Variants in SH3GL3 observed in about 807,000 individuals in gnomAD.
SH3GL3 encodes the protein endophilin-A3.
A neutral mutation model predicts 47.7 loss-of-function variants in SH3GL3; 33 were observed. That is an observed-to-expected ratio of 0.69 (90% confidence interval 0.52 to 0.92). SH3GL3 has a LOEUF of 0.92. Ranked by LOEUF, SH3GL3 falls within the 40% of genes least tolerant of loss-of-function variation. SH3GL3 has a pLI of 0.00. For missense variants in SH3GL3, 363 were observed against 417.8 expected (o/e 0.87, Z 1.14); for synonymous variants, 155 against 148.8 (o/e 1.04, Z -0.30).
At chr15:83,547,502 C>T (rs1038997397) in intron 1 of SH3GL3, among the ~76,000 whole-genome samples, 1 of 152,186 alleles carries the variant, frequency 6.6e-6, no homozygotes, top group Non-Finnish European at 1.5e-5. Flanking sequence ...TCTTCAGTGC[C>T]TCTTTCTTGG....
intron 1 of SH3GL3, chr15:83,490,638 C>A: frequency 2.6e-6 from 2 of 781,286 alleles, no homozygotes; most frequent in Non-Finnish European, 3.9e-6. Flanking sequence ...CAGTATATGA[C>A]GGTGGTCACT....
chr15:83,511,511 AAAC>A (rs2042748661), intron 1 of SH3GL3, among the ~76,000 whole-genome samples: 2 of 152,250 alleles, frequency 1.3e-5, no homozygotes, highest in South Asian at 4.1e-4. Flanking sequence ...TTTAAAATGA[AAAC>A]AGCAGCAATA....
At chr15:83,487,593 T>G (rs1485577608) in intron 1 of SH3GL3, among the ~76,000 whole-genome samples, 2 of 152,186 alleles carry the variant, frequency 1.3e-5, no homozygotes, top group Non-Finnish European at 2.9e-5. Flanking sequence ...TGCTTCAAAT[T>G]CTGGTCATAG....
At chr15:83,496,122 G>A (rs995216303) in intron 1 of SH3GL3, among the ~76,000 whole-genome samples, 3 of 152,080 alleles carry the variant, frequency 2.0e-5, no homozygotes, top group African/African-American at 7.2e-5. Flanking sequence ...ACTTTGGGAG[G>A]CCAGGGCGGG....
intron 5 of SH3GL3, 21 bp from the exon 6 acceptor site, chr15:83,576,562 G>A (rs1342713467): frequency 1.9e-6 from 3 of 1,588,250 alleles, no homozygotes; most frequent in Admixed American, 1.9e-5. Context: ...CTCTCTGAGG[G>A]ACTCCATTCT....
intron 1 of SH3GL3, among the ~76,000 whole-genome samples, chr15:83,532,872 A>G (rs2043743231): frequency 6.6e-6 from 1 of 152,208 alleles, no homozygotes; most frequent in South Asian, 2.1e-4. Context: ...TCTTCAAATC[A>G]GGAAACCAGT....
At chr15:83,449,365 C>T (rs2039619705) in intron 1 of SH3GL3, among the ~76,000 whole-genome samples, 1 of 152,122 alleles carries the variant, frequency 6.6e-6, no homozygotes. Context: ...AGCCAGGAGG[C>T]CGAGTGCTGC....
intron 1 of SH3GL3, among the ~76,000 whole-genome samples, chr15:83,457,634 G>C (rs945836703): frequency 6.6e-6 from 1 of 152,178 alleles, no homozygotes; most frequent in Non-Finnish European, 1.5e-5. Context: ...TAGAGAGAAA[G>C]ATAAAATGCA....
downstream of SH3GL3, among the ~76,000 whole-genome samples, chr15:83,620,370 T>C (rs1272216843): frequency 6.6e-6 from 1 of 152,240 alleles, no homozygotes; most frequent in African/African-American, 2.4e-5. Context: ...GAATCACTAG[T>C]TATGGTAGCT....
rs533513998 is a variant in SH3GL3, at chr15:83,591,963, A to G, written c.838+3192A>G. The stretch of plus-strand genomic sequence containing the variant: ...GCTGGGATTACAGCTGTGAGCCACC[A>G]GGCCGGGCCATGTGTATACATTTTT... On this transcript the variant is annotated intron_variant, in intron 8 of 8. Transcript: ENST00000427482. 3.0e-4 allele frequency among the ~76,000 whole-genome samples: 45 copies of G among 152,190 alleles called. No individual in the cohort carries two copies. In the South Asian group the frequency reaches 9.1e-3, roughly 31 times the overall value.
chr15:83,526,059 AT>A lies in SH3GL3; in HGVS notation c.46-33193del, dbSNP rs559241560. 1.8e-3 allele frequency among the ~76,000 whole-genome samples: 274 copies of A among 152,306 alleles called. 2 individuals carry two copies. The highest frequency in any genetic ancestry group is 0.016 in the Admixed American group (242 of 15,302). ...ACTGATGTTTCTATTTCTATAAAAAATGTCATTGGTATTTTAATAGGGATTG... is the reference window on the plus strand; with the variant it reads ...ACTGATGTTTCTATTTCTATAAAAAAGTCATTGGTATTTTAATAGGGATTG... On this transcript the variant is annotated intron_variant, in intron 1 of 8. Transcript: ENST00000427482.
intron 1 of SH3GL3, among the ~76,000 whole-genome samples, chr15:83,547,668 A>G (rs1435462311): frequency 6.6e-6 from 1 of 152,100 alleles, no homozygotes. Flanking sequence ...CTCCTCCTCC[A>G]GAAATCAGTG....
chr15:83,482,496 A>G (rs2041402107), intron 1 of SH3GL3, among the ~76,000 whole-genome samples: 1 of 148,584 alleles, frequency 6.7e-6, no homozygotes, highest in Non-Finnish European at 1.5e-5. Context: ...AGCCTTCTTA[A>G]GTTTTTTTTT....
At chr15:83,524,541 CTATTTTGAAACA>C (rs2043337246) in intron 1 of SH3GL3, among the ~76,000 whole-genome samples, 1 of 152,110 alleles carries the variant, frequency 6.6e-6, no homozygotes, top group Non-Finnish European at 1.5e-5. Flanking sequence ...TCTCTTCTAG[CTATTTTGAAACA>C]TACAATACAT....
intron 8 of SH3GL3, among the ~76,000 whole-genome samples, chr15:83,603,265 G>A (rs1567030146): frequency 6.6e-6 from 1 of 152,126 alleles, no homozygotes; most frequent in Admixed American, 6.5e-5. Context: ...CTCCCAAACT[G>A]CTGTCACCAC....
At chr15:83,575,711 G>C (rs1449191407) in intron 5 of SH3GL3, among the ~76,000 whole-genome samples, 2 of 152,234 alleles carry the variant, frequency 1.3e-5, no homozygotes, top group Non-Finnish European at 2.9e-5. Context: ...AGTCATGGAA[G>C]TTAGAAGCAG....
intron 1 of SH3GL3, among the ~76,000 whole-genome samples, chr15:83,505,644 A>C (rs2151616983): frequency 6.7e-6 from 1 of 149,788 alleles, no homozygotes; most frequent in South Asian, 2.1e-4. Context: ...TCTCCGCCTC[A>C]GCTTCCCAAG....
chr15:83,538,279 C>T (rs1401892967), intron 1 of SH3GL3, among the ~76,000 whole-genome samples: 1 of 152,080 alleles, frequency 6.6e-6, no homozygotes, highest in African/African-American at 2.4e-5. Context: ...AAACTTCCTT[C>T]TAGAAGAATA....
intron 1 of SH3GL3, among the ~76,000 whole-genome samples, chr15:83,508,172 C>T (rs1420008629): frequency 6.6e-6 from 1 of 152,020 alleles, no homozygotes; most frequent in African/African-American, 2.4e-5. Flanking sequence ...GATCTCCTGA[C>T]CTCGTGATCT....
Sources: allele counts gnomAD v4.1 joint callset (sites outside exome capture counted in the v4.1 genomes callset), GRCh38; gene constraint gnomAD v4.1.1; transcripts MANE v1.5; gene names NCBI Gene and HGNC (gene_info 2026-07-23, HGNC 2026-07-21).